NEXMIF: variants seen among roughly 807,000 people sequenced by gnomAD.
NEXMIF encodes the protein neurite extension and migration factor, also known as XLMR protein related to neurite extension.
A neutral mutation model predicts 62.1 loss-of-function variants in NEXMIF; 8 were observed. The observed-to-expected ratio is 0.13, with a 90% confidence interval of 0.08 to 0.23. The LOEUF (loss-of-function observed/expected upper bound fraction) is 0.23. Among genes scored for constraint, NEXMIF ranks in the 10% least tolerant of loss-of-function variants. The pLI is 1.00. For synonymous variants in NEXMIF, 404 were observed against 416.6 expected, an observed-to-expected ratio of 0.97 and a Z score of 0.37; for missense variants, 976 against 1,113.3, an observed-to-expected ratio of 0.88 and a Z score of 1.75.
At chrX:74,862,141 G>A (rs767650076) in intron 1 of NEXMIF, among the ~76,000 whole-genome samples, 4 of 111,262 alleles carry the variant, frequency 3.6e-5, no homozygotes, top group African/African-American at 1.3e-4. Context: ...AAGGGATGGA[G>A]GAAAATTTAC....
chrX:74,850,180 A>T (rs1027716102), intron 1 of NEXMIF, among the ~76,000 whole-genome samples: 1 of 111,659 alleles, frequency 9.0e-6, no homozygotes, highest in African/African-American at 3.3e-5. Flanking sequence ...GGACAGACCC[A>T]CCCAACCTGC....
intron 1 of NEXMIF, among the ~76,000 whole-genome samples, chrX:74,854,861 G>A (rs113293069): frequency 0.074 from 8,277 of 111,215 alleles, 311 homozygotes; most frequent in Admixed American, 0.12. Flanking sequence ...TTTAACCAAG[G>A]AGATAAATGA....
chrX:74,788,730 A>C (rs1339764124), intron 1 of NEXMIF, among the ~76,000 whole-genome samples: 1 of 111,204 alleles, frequency 9.0e-6, no homozygotes, highest in Non-Finnish European at 1.9e-5. Flanking sequence ...AAGCAGTATA[A>C]AGGTACATGC....
chrX:74,752,575 G>C, intron 1 of NEXMIF, among the ~76,000 whole-genome samples: 1 of 111,439 alleles, frequency 9.0e-6, no homozygotes, highest in Non-Finnish European at 1.9e-5. Flanking sequence ...CAATGAGAAA[G>C]CATGTACAAA....
At chrX:74,854,606 G>T (rs1459709192) in intron 1 of NEXMIF, among the ~76,000 whole-genome samples, 2 of 111,552 alleles carry the variant, frequency 1.8e-5, no homozygotes, top group African/African-American at 3.3e-5. Flanking sequence ...GAAATAAAAG[G>T]CATTCACATT....
At chrX:74,916,177 A>G (rs1220852293) in intron 1 of NEXMIF, among the ~76,000 whole-genome samples, 1 of 112,098 alleles carries the variant, frequency 8.9e-6, no homozygotes, top group East Asian at 2.8e-4. Flanking sequence ...CACATCACCA[A>G]TGATAGCAGT....
intron 1 of NEXMIF, among the ~76,000 whole-genome samples, chrX:74,876,662 A>C (rs1411405578): frequency 2.1e-4 from 21 of 100,792 alleles, no homozygotes; most frequent in Non-Finnish European, 3.6e-4. Context: ...TTGCTTTATG[A>C]ATCTGGGTGC....
In NEXMIF at chrX:74,738,482, A is replaced by G. The variant is rs2080091642; in HGVS notation, c.*923T>C. 1.8e-5 allele frequency: 2 copies of G among 112,015 alleles called. No individual in the cohort carries two copies. The highest frequency in any genetic ancestry group is 3.7e-4 in the South Asian group (1 of 2,707). The allele number at this position is 112,015 out of a possible 1,213,427, so 9.2% of individuals were successfully genotyped here. A position where few individuals can be genotyped will look rare whatever the true frequency, so the allele number is the denominator to read the frequency against. On this transcript the variant is annotated 3_prime_UTR_variant, in exon 4 of 4. Coordinates refer to ENST00000055682, the MANE Select transcript of NEXMIF (RefSeq NM_001008537.3). Reference sequence around the variant, plus strand: ...AAGCATTCTATATACTTCATTTATCATTAGTGTTGATTTTATAGCTATTTT... The same window carrying G: ...AAGCATTCTATATACTTCATTTATCGTTAGTGTTGATTTTATAGCTATTTT...
chrX:74,922,337 GGTGTGTGTGT>G (rs3040908), intron 1 of NEXMIF, among the ~76,000 whole-genome samples: 37 of 100,585 alleles, frequency 3.7e-4, no homozygotes, highest in African/African-American at 1.3e-3. Context: ...GGGTGTTATG[GGTGTGTGTGT>G]GTGTGTGTGT....
chrX:74,750,129 G>A (rs1322009389), intron 1 of NEXMIF, among the ~76,000 whole-genome samples: 2 of 111,335 alleles, frequency 1.8e-5, no homozygotes, highest in Admixed American at 1.9e-4. Context: ...GGTGTGAGAT[G>A]TCAAAAAGAT....
At chrX:74,795,311 C>G (rs1480762708) in intron 1 of NEXMIF, among the ~76,000 whole-genome samples, 1 of 112,177 alleles carries the variant, frequency 8.9e-6, no homozygotes, top group Non-Finnish European at 1.9e-5. Context: ...AATGGATAAA[C>G]AAGTATTCTT....
chrX:74,810,175 A>G (rs186514345), intron 1 of NEXMIF, among the ~76,000 whole-genome samples: 3 of 112,200 alleles, frequency 2.7e-5, no homozygotes, highest in Non-Finnish European at 5.6e-5. Flanking sequence ...ATATTTTTTT[A>G]GCAAATTACA....
chrX:74,797,123 T>C (rs761722653), intron 1 of NEXMIF, among the ~76,000 whole-genome samples: 1 of 111,745 alleles, frequency 8.9e-6, no homozygotes, highest in South Asian at 3.7e-4. Context: ...CTACCACAAA[T>C]TGAAGGACAT....
In NEXMIF at chrX:74,913,628, G is replaced by GA. The variant is rs372961049; in HGVS notation, c.-48+11254dup. 7.0e-3 allele frequency among the ~76,000 whole-genome samples: 564 copies of GA among 80,662 alleles called. 4 individuals carry two copies. The highest frequency in any genetic ancestry group is 0.02 in the African/African-American group (451 of 22,839). The allele number at this position is 80,662 out of a possible 115,157, so 70.0% of individuals were successfully genotyped here. On this transcript the variant is annotated intron_variant, in intron 1 of 3. Transcript: ENST00000055682. Reference sequence around the variant, plus strand: ...CATAGTCAAACTTCTAAAGACTAAAGAAAAAAAAAAAAACCTTAAAAGCAG... The same window carrying GA: ...CATAGTCAAACTTCTAAAGACTAAAGAAAAAAAAAAAAAACCTTAAAAGCAG...
At chrX:74,834,330 G>A (rs1459742191) in intron 1 of NEXMIF, among the ~76,000 whole-genome samples, 1 of 110,666 alleles carries the variant, frequency 9.0e-6, no homozygotes, top group African/African-American at 3.3e-5. Context: ...TATGATAAGG[G>A]TAGTTAAAAT....
rs767949647 is a variant in NEXMIF, at chrX:74,791,846, C to T, written c.-47-46149G>A. 3.2e-3 allele frequency among the ~76,000 whole-genome samples: 350 copies of T among 110,618 alleles called. 2 individuals are homozygous for T. The highest frequency in any genetic ancestry group is 0.011 in the African/African-American group (324 of 30,403). Reference sequence around the variant, plus strand: ...ATATCCCCTTTATCATTTTTTATTGCGTCTATTAGATTCTTCTTTTTTTCT... The same window carrying T: ...ATATCCCCTTTATCATTTTTTATTGTGTCTATTAGATTCTTCTTTTTTTCT... On this transcript the variant is annotated intron_variant, in intron 1 of 3. Transcript: ENST00000055682.
chrX:74,745,288 A>G (rs1250020901), intron 2 of NEXMIF, among the ~76,000 whole-genome samples: 2 of 111,372 alleles, frequency 1.8e-5, no homozygotes, highest in Non-Finnish European at 3.8e-5. Context: ...CGGCCACTCT[A>G]GAAGTTCTAA....
At chrX:74,751,101 G>A (rs770152873) in intron 1 of NEXMIF, among the ~76,000 whole-genome samples, 16 of 111,056 alleles carry the variant, frequency 1.4e-4, no homozygotes, top group African/African-American at 3.9e-4. Context: ...ATGGTGGCAC[G>A]TGCCTGTAGT....
rs771628519 is a variant in NEXMIF at position 74,740,573 on chromosome X, T to C, written c.3984A>G (p.Ala1328=). 3 of 1,211,968 alleles carry C rather than the reference T, an allele frequency of 2.5e-6. No homozygotes were observed. In the South Asian group the frequency reaches 5.3e-5, roughly 21 times the overall value. The change falls in exon 3 of 4, where the codon GCA becomes GCG. Residue 1328 remains alanine, a synonymous_variant. Transcript: ENST00000055682. The stretch of plus-strand genomic sequence containing the variant: ...AGGCCATCATGAATCTCTGCACATC[T>C]GCCATACCAGAGGCAATGTTGGACA... ...YILSNIASGM[A]DVQRFMMASI... is the part of the protein sequence containing the mutation.
Sources: gnomAD v4.1 joint callset for allele counts (sites outside exome capture counted in the v4.1 genomes callset) on GRCh38, gnomAD v4.1.1 for gene constraint, MANE v1.5 for transcripts, NCBI Gene and HGNC (gene_info 2026-07-23, HGNC 2026-07-21) for gene names.